EDN1: variants seen among roughly 807,000 people sequenced by gnomAD.
The protein encoded by EDN1 is endothelin 1, also known as endothelin-1.
In EDN1, 11 loss-of-function variants were observed where a neutral mutation model predicts 21.7. The observed-to-expected ratio is 0.51, with a 90% confidence interval of 0.32 to 0.84. The LOEUF is 0.84. Among genes scored for constraint, EDN1 ranks in the 40% least tolerant of loss-of-function variants. The pLI is 0.03. For missense variants in EDN1, 244 were observed against 262.3 expected (o/e 0.93, Z 0.48); for synonymous variants, 85 against 90.6 (o/e 0.94, Z 0.35).
chr6:12,242,701 G>A, the EDN1 span, among the ~76,000 whole-genome samples: 1 of 152,090 alleles, frequency 6.6e-6, no homozygotes, highest in Non-Finnish European at 1.5e-5. Flanking sequence ...GCTTTGGATC[G>A]CTGCTCACCT....
At chr6:12,256,884 T>TCCAAG in the EDN1 span, among the ~76,000 whole-genome samples, 1 of 152,222 alleles carries the variant, frequency 6.6e-6, no homozygotes. Context: ...TGTGACTATT[T>TCCAAG]CAGGAGTAAT....
the EDN1 span, among the ~76,000 whole-genome samples, chr6:12,243,336 G>A: frequency 6.6e-6 from 1 of 151,022 alleles, no homozygotes; most frequent in South Asian, 2.1e-4. Flanking sequence ...AGGAGGAGGA[G>A]GAGGGGCTGG....
chr6:12,273,321 A>G, the EDN1 span, among the ~76,000 whole-genome samples: 2 of 152,212 alleles, frequency 1.3e-5, no homozygotes, highest in African/African-American at 4.8e-5. Context: ...GGTAGGTATT[A>G]TGGCTAGGAT....
At position 12,296,932 on chromosome 6, in the gene EDN1, G is replaced by A. The variant is rs1033699782; in HGVS notation, c.*865G>A. 6.6e-6 allele frequency: 1 copy of A among 152,266 alleles called. No homozygotes were observed. The highest frequency in any genetic ancestry group is 2.1e-4 in the South Asian group (1 of 4,824). 9.4% of individuals were successfully genotyped at this position (152,266 alleles called of 1,614,324 possible). On this transcript the variant is annotated 3_prime_UTR_variant, in exon 5 of 5. Transcript: ENST00000379375. The stretch of plus-strand genomic sequence containing the variant: ...ATATTGAAAAGTAAGTGTTTGTTAC[G>A]CTTTAAAGCAGTAAAATTATTTTCC...
chr6:12,277,866 G>A, the EDN1 span, among the ~76,000 whole-genome samples: 1 of 152,210 alleles, frequency 6.6e-6, no homozygotes, highest in African/African-American at 2.4e-5. Flanking sequence ...CCTGAGATTT[G>A]CTGGAAGCCT....
chr6:12,265,901 G>A, the EDN1 span, among the ~76,000 whole-genome samples: 1 of 152,188 alleles, frequency 6.6e-6, no homozygotes, highest in African/African-American at 2.4e-5. Context: ...CTACAGTTGC[G>A]ATGGTGCAAG....
the EDN1 span, among the ~76,000 whole-genome samples, chr6:12,233,021 A>T: frequency 6.6e-6 from 1 of 152,352 alleles, no homozygotes; most frequent in South Asian, 2.1e-4. Context: ...TCAGCTAGAA[A>T]ACAATCTTAG....
upstream of EDN1, among the ~76,000 whole-genome samples, chr6:12,286,919 GC>G (rs1762566074): frequency 2.0e-5 from 3 of 152,122 alleles, no homozygotes; most frequent in Admixed American, 1.3e-4. Context: ...TTCAAGACCA[GC>G]CTAGGCAACA....
chr6:12,250,235 T>G, the EDN1 span, among the ~76,000 whole-genome samples: 1 of 152,162 alleles, frequency 6.6e-6, no homozygotes, highest in East Asian at 1.9e-4. Context: ...TTGTGGTTAA[T>G]GGCCTAAGTT....
chr6:12,279,550 C>T, the EDN1 span, among the ~76,000 whole-genome samples: 6 of 152,272 alleles, frequency 3.9e-5, no homozygotes, highest in African/African-American at 1.4e-4. Flanking sequence ...GGTCAGAGAG[C>T]GATCAGGGTT....
upstream of EDN1, among the ~76,000 whole-genome samples, chr6:12,287,709 C>CTG (rs1194436990): frequency 1.3e-3 from 91 of 68,728 alleles, no homozygotes; most frequent in Admixed American, 4.8e-3. Flanking sequence ...CTCTCTCTCT[C>CTG]TCTCACACAC....
the EDN1 span, among the ~76,000 whole-genome samples, chr6:12,283,329 G>A: frequency 6.6e-6 from 1 of 152,110 alleles, no homozygotes; most frequent in East Asian, 1.9e-4. Context: ...AATAATTACA[G>A]ATTATCCTTT....
At chr6:12,276,672 T>A in the EDN1 span, among the ~76,000 whole-genome samples, 3 of 152,202 alleles carry the variant, frequency 2.0e-5, no homozygotes, top group African/African-American at 7.2e-5. Context: ...GACATTCACC[T>A]TGAGTCTTCA....
At chr6:12,262,675 C>T in the EDN1 span, among the ~76,000 whole-genome samples, 8 of 151,948 alleles carry the variant, frequency 5.3e-5, no homozygotes, top group African/African-American at 1.9e-4. Context: ...AGGTCGAAAC[C>T]AGCCTGACCA....
At chr6:12,293,880 T>C in intron 2 of EDN1, 61 bp from the exon 3 acceptor site, 1 of 1,580,104 alleles carries the variant, frequency 6.3e-7, no homozygotes, top group Non-Finnish European at 8.7e-7. Flanking sequence ...GGTGTGTCCA[T>C]GTGTCATTTT....
the EDN1 span, among the ~76,000 whole-genome samples, chr6:12,253,263 G>GA: frequency 6.6e-6 from 1 of 152,076 alleles, no homozygotes; most frequent in Non-Finnish European, 1.5e-5. Context: ...GATACATAAT[G>GA]AAAAAATAAT....
At chr6:12,242,466 A>G in the EDN1 span, among the ~76,000 whole-genome samples, 5 of 152,028 alleles carry the variant, frequency 3.3e-5, no homozygotes, top group African/African-American at 1.2e-4. Flanking sequence ...TGGGAAAGTT[A>G]TTTTACCTCT....
At chr6:12,274,997 C>A in the EDN1 span, among the ~76,000 whole-genome samples, 5 of 145,684 alleles carry the variant, frequency 3.4e-5, no homozygotes, top group African/African-American at 1.3e-4. Flanking sequence ...TCCCTCCCTC[C>A]CTCCCTCCCT....
chr6:12,265,535 G>A, the EDN1 span, among the ~76,000 whole-genome samples: 1 of 152,180 alleles, frequency 6.6e-6, no homozygotes, highest in East Asian at 1.9e-4. Context: ...GATAGAGGGA[G>A]TTGGTGGCCT....
Sources: gnomAD v4.1 joint callset for allele counts (sites outside exome capture counted in the v4.1 genomes callset) on GRCh38, gnomAD v4.1.1 for gene constraint, MANE v1.5 for transcripts, NCBI Gene and HGNC (gene_info 2026-07-23, HGNC 2026-07-21) for gene names.